DTNA: variants seen among roughly 807,000 people sequenced by gnomAD.
DTNA encodes the protein dystrobrevin alpha, also known as dystrophin-related protein 3.
DTNA carries 43 observed loss-of-function variants against 100.7 expected under a neutral mutation model. The ratio of observed to expected loss-of-function variants is 0.43; its 90% CI spans 0.33 to 0.55. The LOEUF (loss-of-function observed/expected upper bound fraction) is 0.55, where lower values mean the gene tolerates loss of function less well. Among genes scored for constraint, DTNA ranks in the 20% least tolerant of loss-of-function variants. The probability of loss-of-function intolerance (pLI) is 0.04; values close to 1 mark genes in which losing one functional copy is unlikely to be tolerated. For synonymous variants in DTNA, 349 were observed against 347.9 expected (o/e 1.00, Z -0.04); for missense variants, 798 against 953.9 (o/e 0.84, Z 2.15).
At chr18:34,592,387 T>C (rs2049823661) in intron 1 of DTNA, among the ~76,000 whole-genome samples, 1 of 151,982 alleles carries the variant, frequency 6.6e-6, no homozygotes, top group Non-Finnish European at 1.5e-5. Flanking sequence ...TTAATTCATG[T>C]CAGTCTCTAT....
intron 1 of DTNA, among the ~76,000 whole-genome samples, chr18:34,623,932 A>G (rs2056929020): frequency 6.6e-6 from 1 of 152,232 alleles, no homozygotes; most frequent in African/African-American, 2.4e-5. Context: ...TGGCGCTTTC[A>G]TAACAGGAAA....
chr18:34,655,244 T>G (rs1276725204), intron 1 of DTNA, among the ~76,000 whole-genome samples: 1 of 152,150 alleles, frequency 6.6e-6, no homozygotes, highest in African/African-American at 2.4e-5. Flanking sequence ...CTGAATCGGT[T>G]ATTGGACATA....
At position 34,796,139 on chromosome 18, in the gene DTNA, A is replaced by G. The variant is rs944317027; in HGVS notation, c.362+1889A>G. On this transcript the variant is annotated intron_variant, in intron 4 of 22. Coordinates refer to ENST00000444659, the MANE Select transcript of DTNA (RefSeq NM_001386795.1). Reference sequence around the variant, plus strand: ...TCCACATAGACAAATTTCACTGCAAAGATTTATAAACATATCCATGTAGAG... The same window carrying G: ...TCCACATAGACAAATTTCACTGCAAGGATTTATAAACATATCCATGTAGAG... 3.9e-5 allele frequency among the ~76,000 whole-genome samples: 6 copies of G among 152,342 alleles called. No homozygotes were observed. The East Asian group carries it at 5.8e-4, about 15-fold the overall frequency.
chr18:34,575,716 T>C (rs1020647679), intron 1 of DTNA, among the ~76,000 whole-genome samples: 1 of 152,212 alleles, frequency 6.6e-6, no homozygotes, highest in Non-Finnish European at 1.5e-5. Context: ...TTTAGCTACT[T>C]GGGATTGGAT....
At chr18:34,624,875 G>A (rs2057088596) in intron 1 of DTNA, among the ~76,000 whole-genome samples, 1 of 151,940 alleles carries the variant, frequency 6.6e-6, no homozygotes, top group Admixed American at 6.6e-5. Context: ...CATTTGTTTT[G>A]TTTTTTGAGA....
chr18:34,818,567 C>G, intron 8 of DTNA: 1 of 1,386,894 alleles, frequency 7.2e-7, no homozygotes, highest in Non-Finnish European at 9.4e-7. Flanking sequence ...TATGTTACTT[C>G]TTGGAATATA....
At chr18:34,865,959 G>C in intron 17 of DTNA, 1 of 836,364 alleles carries the variant, frequency 1.2e-6, no homozygotes, top group Non-Finnish European at 2.1e-6. Context: ...TAACCAAGTA[G>C]ACTTGGAGTG....
intron 3 of DTNA, among the ~76,000 whole-genome samples, chr18:34,778,325 A>G (rs938503744): frequency 3.3e-5 from 5 of 152,230 alleles, no homozygotes; most frequent in South Asian, 4.1e-4. Flanking sequence ...TAAAAAGACA[A>G]TTGCATTTTT....
intron 1 of DTNA, among the ~76,000 whole-genome samples, chr18:34,715,253 C>G (rs1208515094): frequency 6.6e-6 from 1 of 151,822 alleles, no homozygotes; most frequent in Non-Finnish European, 1.5e-5. Flanking sequence ...AAGAATTGTA[C>G]AATGTGTGGG....
At chr18:34,755,344 T>C (rs1181128581) in intron 1 of DTNA, 1 of 152,940 alleles carries the variant, frequency 6.5e-6, no homozygotes, top group Non-Finnish European at 1.5e-5. Context: ...CTGCAGACAA[T>C]AGTATGGTTA....
intron 1 of DTNA, chr18:34,683,524 G>A (rs899239195): frequency 6.6e-6 from 1 of 152,014 alleles, no homozygotes; most frequent in African/African-American, 2.4e-5. Flanking sequence ...ATGTACTGTG[G>A]TTGGACTCTG....
chr18:34,790,342 A>AAATATATATATATATATTTTTTTTTTT (rs1555797364), intron 3 of DTNA, among the ~76,000 whole-genome samples: 1 of 148,894 alleles, frequency 6.7e-6, no homozygotes, highest in African/African-American at 2.5e-5. Flanking sequence ...GGTGCATGCA[A>AAATATATATATATATATTTTTTTTTTT]GGGGTATAAA....
intron 1 of DTNA, among the ~76,000 whole-genome samples, chr18:34,521,096 TG>T (rs1290958477): frequency 1.3e-5 from 2 of 152,328 alleles, no homozygotes; most frequent in Non-Finnish European, 2.9e-5. Context: ...TATTTACAGC[TG>T]CTTACTCAAT....
At chr18:34,540,622 C>A (rs2044157724) in intron 1 of DTNA, among the ~76,000 whole-genome samples, 1 of 151,804 alleles carries the variant, frequency 6.6e-6, no homozygotes, top group African/African-American at 2.4e-5. Context: ...GGTGTGACAC[C>A]AAAGCATACA....
At chr18:34,685,353 A>G (rs1180672868) in intron 1 of DTNA, among the ~76,000 whole-genome samples, 1 of 152,222 alleles carries the variant, frequency 6.6e-6, no homozygotes, top group African/African-American at 2.4e-5. Flanking sequence ...AGCTTTCTGC[A>G]TATGGCTAGC....
intron 1 of DTNA, among the ~76,000 whole-genome samples, chr18:34,596,656 T>C (rs898412593): frequency 1.3e-5 from 2 of 152,222 alleles, no homozygotes; most frequent in African/African-American, 4.8e-5. Flanking sequence ...GCTATTATAG[T>C]TGTTTCTTTT....
intron 1 of DTNA, chr18:34,504,205 A>G (rs1601200906): frequency 6.6e-6 from 1 of 151,968 alleles, no homozygotes. Context: ...TCTAAGTATT[A>G]CATCATATAC....
At chr18:34,754,333 C>T (rs2092622960) in intron 1 of DTNA, among the ~76,000 whole-genome samples, 1 of 152,178 alleles carries the variant, frequency 6.6e-6, no homozygotes, top group Non-Finnish European at 1.5e-5. Context: ...CTCAGGAAAT[C>T]AACCCCTCTC....
At chr18:34,727,952 A>AG (rs753524699) in intron 1 of DTNA, among the ~76,000 whole-genome samples, 52 of 151,564 alleles carry the variant, frequency 3.4e-4, no homozygotes, top group Non-Finnish European at 5.7e-4. Context: ...ATTAAGAGGG[A>AG]GGGGGGGAAA....
Sources: gnomAD v4.1 joint callset for allele counts (sites outside exome capture counted in the v4.1 genomes callset) on GRCh38, gnomAD v4.1.1 for gene constraint, MANE v1.5 for transcripts, NCBI Gene and HGNC (gene_info 2026-07-23, HGNC 2026-07-21) for gene names.